The following SPAG16 variants were observed in gnomAD, a reference collection of about 807,000 sequenced individuals.
SPAG16 encodes the protein sperm-associated antigen 16 protein.
Under a neutral mutation model 80.4 loss-of-function variants are expected in SPAG16, and 86 were observed. That is an observed-to-expected ratio of 1.07 (90% CI 0.90 to 1.28). SPAG16 has a LOEUF of 1.28. SPAG16 is among the 50% of genes most tolerant of loss of function. The pLI, the probability that SPAG16 is intolerant of heterozygous loss-of-function variation, is 0.00. For missense variants in SPAG16, 870 were observed against 765.3 expected, an observed-to-expected ratio of 1.14 and a Z score of -1.61; for synonymous variants, 294 against 265.9, an observed-to-expected ratio of 1.11 and a Z score of -1.03.
At chr2:214,064,518 ACCT>A (rs2050438207) in intron 13 of SPAG16, among the ~76,000 whole-genome samples, 1 of 151,840 alleles carries the variant, frequency 6.6e-6, no homozygotes, top group African/African-American at 2.4e-5. Flanking sequence ...TATTATTCTG[ACCT>A]CCTTTTGTAT....
At chr2:214,178,230 C>T (rs1001407214) in intron 15 of SPAG16, among the ~76,000 whole-genome samples, 1 of 149,780 alleles carries the variant, frequency 6.7e-6, no homozygotes, top group African/African-American at 2.4e-5. Flanking sequence ...TTTCTTCAGA[C>T]AGGAGATATC....
At chr2:213,950,035 G>A (rs1192499927) in intron 12 of SPAG16, among the ~76,000 whole-genome samples, 1 of 152,126 alleles carries the variant, frequency 6.6e-6, no homozygotes. Context: ...TCTGTAGTTA[G>A]GTGACATGAA....
intron 12 of SPAG16, among the ~76,000 whole-genome samples, chr2:213,930,346 ATTTC>A (rs1675497676): frequency 6.6e-6 from 1 of 152,146 alleles, no homozygotes; most frequent in Admixed American, 6.5e-5. Flanking sequence ...TTGATTAATA[ATTTC>A]TTTCTAAATG....
At chr2:214,055,861 G>A (rs1362828621) in intron 13 of SPAG16, among the ~76,000 whole-genome samples, 1 of 152,080 alleles carries the variant, frequency 6.6e-6, no homozygotes, top group Non-Finnish European at 1.5e-5. Flanking sequence ...AGAAATTGAA[G>A]GGAAATAACC....
chr2:213,502,074 G>C (rs2074766146), intron 10 of SPAG16, among the ~76,000 whole-genome samples: 1 of 152,044 alleles, frequency 6.6e-6, no homozygotes. Context: ...TTCTGGAATA[G>C]GACATAGTAA....
chr2:214,120,224 T>C (rs2054148195), intron 14 of SPAG16, among the ~76,000 whole-genome samples: 1 of 151,740 alleles, frequency 6.6e-6, no homozygotes, highest in Non-Finnish European at 1.5e-5. Flanking sequence ...GCTTTACTAC[T>C]TTGTGTGGCA....
chr2:214,370,729 G>A (rs1699760240), intron 15 of SPAG16, among the ~76,000 whole-genome samples: 3 of 152,306 alleles, frequency 2.0e-5, no homozygotes, highest in East Asian at 1.9e-4. Context: ...AGGGGCTGGG[G>A]TGGAGGAAAT....
intron 10 of SPAG16, among the ~76,000 whole-genome samples, chr2:213,793,746 A>G (rs1220456865): frequency 6.6e-6 from 1 of 152,230 alleles, no homozygotes; most frequent in Non-Finnish European, 1.5e-5. Context: ...GGTAATGTTA[A>G]TGTTGCCTCT....
intron 10 of SPAG16, among the ~76,000 whole-genome samples, chr2:213,637,002 T>C (rs2062387504): frequency 1.3e-5 from 2 of 152,172 alleles, no homozygotes; most frequent in Admixed American, 6.5e-5. Flanking sequence ...TGAATAGAGA[T>C]GGTGAAAGTG....
In SPAG16 at chr2:214,270,206, A is replaced by G. The variant is rs76081591; in HGVS notation, c.1720+120940A>G. Among the ~76,000 whole-genome samples, 765 of 152,318 alleles carry G rather than the reference A, an allele frequency of 5.0e-3. 5 individuals carry two copies. Among genetic ancestry groups the G allele is most frequent in the African/African-American group, 0.017 (724 of 41,582 alleles). ...TCTACATAAATATTGTTAGCAAATT[A>G]GACATGAAATGGTAACATTATTGAA... On this transcript the variant is annotated intron_variant, in intron 15 of 15. Transcript: ENST00000331683.
At position 213,630,880 on chromosome 2, in the gene SPAG16, G is replaced by A. The variant is rs776962678; in HGVS notation, c.1070+140790G>A. Among the ~76,000 whole-genome samples, 85 of 152,146 alleles carry A rather than the reference G, an allele frequency of 5.6e-4. 1 individual carries two copies. Among genetic ancestry groups the A allele is most frequent in the Non-Finnish European group, 2.1e-4 (14 of 68,022 alleles). Reference sequence around the variant, plus strand: ...ACATAAATAAACAAATGTTAATATAGTTTAGGAATAAATGATATCAGAGGA... The same window carrying A: ...ACATAAATAAACAAATGTTAATATAATTTAGGAATAAATGATATCAGAGGA... On this transcript the variant is annotated intron_variant, in intron 10 of 15. Coordinates refer to ENST00000331683, the MANE Select transcript of SPAG16 (RefSeq NM_024532.5).
In SPAG16 at chr2:213,972,020, C is replaced by T. The variant is rs532845244; in HGVS notation, c.1400+41875C>T. Among the ~76,000 whole-genome samples the T allele has an allele frequency of 7.3e-5, 11 of 151,608 alleles. 1 individual carries two copies. The South Asian group carries it at 2.3e-3, about 31-fold the overall frequency. The stretch of plus-strand genomic sequence containing the variant: ...TATAAGATATTTTGATACAGGCATA[C>T]AATGTATAATTATCACATTAGGGTA... On this transcript the variant is annotated intron_variant, in intron 12 of 15. Coordinates refer to ENST00000331683, the MANE Select transcript of SPAG16 (RefSeq NM_024532.5).
intron 5 of SPAG16, among the ~76,000 whole-genome samples, chr2:213,321,941 A>G (rs2063626942): frequency 6.6e-6 from 1 of 152,144 alleles, no homozygotes; most frequent in Non-Finnish European, 1.5e-5. Flanking sequence ...TTTAAATGCA[A>G]AAGTCTAAAG....
At chr2:213,301,708 TC>T (rs1225710061) in intron 3 of SPAG16, among the ~76,000 whole-genome samples, 1 of 152,112 alleles carries the variant, frequency 6.6e-6, no homozygotes, top group South Asian at 2.1e-4. Flanking sequence ...TCAGTTTATC[TC>T]CCCTCTACGT....
At chr2:213,903,225 C>T (rs1044776184) in intron 11 of SPAG16, among the ~76,000 whole-genome samples, 1 of 152,186 alleles carries the variant, frequency 6.6e-6, no homozygotes, top group African/African-American at 2.4e-5. Context: ...CGTAGGGACT[C>T]TGCATGGGGG....
intron 15 of SPAG16, among the ~76,000 whole-genome samples, chr2:214,375,100 C>CTAAT: frequency 6.6e-6 from 1 of 152,258 alleles, no homozygotes; most frequent in Admixed American, 6.5e-5. Context: ...AGCCACAGAA[C>CTAAT]TAATTTTCAG....
intron 12 of SPAG16, among the ~76,000 whole-genome samples, chr2:213,943,721 C>A (rs565639689): frequency 8.0e-4 from 122 of 152,172 alleles, no homozygotes; most frequent in Non-Finnish European, 1.6e-3. Context: ...AATCATTAAG[C>A]AAAAAGGAAC....
chr2:213,827,029 C>T (rs900048339), intron 10 of SPAG16, among the ~76,000 whole-genome samples: 11 of 151,624 alleles, frequency 7.3e-5, no homozygotes, highest in South Asian at 2.1e-4. Context: ...TGGTTTCTGT[C>T]GGCATGGAAT....
In SPAG16 at chr2:213,928,277, A is replaced by T. The variant is rs370084088; in HGVS notation, c.1215-1683A>T. The stretch of plus-strand genomic sequence containing the variant: ...TTTTTTTTTTTTTTGTATTTTTAGT[A>T]GAGACGGGGTTTCACCATGTTAGCC... On this transcript the variant is annotated intron_variant, in intron 11 of 15. Transcript: ENST00000331683. Among the ~76,000 whole-genome samples the T allele has an allele frequency of 2.7e-5, 4 of 149,084 alleles. No individual in the cohort carries two copies. In the East Asian group the frequency reaches 5.9e-4, roughly 22 times the overall value.
Sources: gnomAD v4.1 joint callset for allele counts (sites outside exome capture counted in the v4.1 genomes callset) on GRCh38, gnomAD v4.1.1 for gene constraint, MANE v1.5 for transcripts, NCBI Gene and HGNC (gene_info 2026-07-23, HGNC 2026-07-21) for gene names.